Variants in ZNRF3 observed in about 807,000 individuals in gnomAD.
ZNRF3 encodes the protein E3 ubiquitin-protein ligase ZNRF3.
Under a neutral mutation model 72.5 loss-of-function variants are expected in ZNRF3, and 23 were observed. The ratio of observed to expected loss-of-function variants is 0.32; its 90% CI spans 0.23 to 0.45. The LOEUF (loss-of-function observed/expected upper bound fraction) is 0.45, where lower values mean the gene tolerates loss of function less well. Among genes scored for constraint, ZNRF3 ranks in the 20% least tolerant of loss-of-function variants. The pLI, the probability that ZNRF3 is intolerant of heterozygous loss-of-function variation, is 1.00. For missense variants in ZNRF3, 1,169 were observed against 1,272.1 expected (o/e 0.92, Z 1.23); for synonymous variants, 610 against 545.3 (o/e 1.12, Z -1.65).
At chr22:28,976,430 G>A (rs1288843011) in intron 1 of ZNRF3, among the ~76,000 whole-genome samples, 2 of 152,160 alleles carry the variant, frequency 1.3e-5, no homozygotes, top group African/African-American at 2.4e-5. Context: ...ACTGAGTCAG[G>A]AGGAAGTCCT....
chr22:29,036,565 G>T (rs2036871626), intron 2 of ZNRF3, among the ~76,000 whole-genome samples: 1 of 152,088 alleles, frequency 6.6e-6, no homozygotes, highest in Admixed American at 6.5e-5. Flanking sequence ...TGCCTGTATT[G>T]TCTGTGCCAG....
At chr22:28,934,469 G>A (rs1047151115) in intron 1 of ZNRF3, among the ~76,000 whole-genome samples, 3 of 152,128 alleles carry the variant, frequency 2.0e-5, no homozygotes, top group African/African-American at 4.8e-5. Flanking sequence ...AGAAAGAAAA[G>A]AATTACTCCT....
Position 29,053,721 on chromosome 22 carries a change from A to C in ZNRF3, c.*99A>C. On this transcript the variant is annotated 3_prime_UTR_variant, in exon 9 of 9. Coordinates refer to ENST00000544604, the MANE Select transcript of ZNRF3 (RefSeq NM_001206998.2). Reference sequence around the variant, plus strand: ...AACAAAAAATTTTTTTAGCTTTGACAAACACACAAAAGTGGTAATAAAGAG... The same window carrying C: ...AACAAAAAATTTTTTTAGCTTTGACCAACACACAAAAGTGGTAATAAAGAG... The C allele has an allele frequency of 7.8e-7, 1 of 1,276,470 alleles. No individual in the cohort carries two copies. The highest frequency in any genetic ancestry group is 1.1e-6 in the Non-Finnish European group (1 of 917,360). 79.1% of individuals were successfully genotyped at this position (1,276,470 alleles called of 1,614,324 possible). A position where few individuals can be genotyped will look rare whatever the true frequency, so the allele number is the denominator to read the frequency against.
chr22:29,039,515 C>T (rs2036920961), intron 2 of ZNRF3, among the ~76,000 whole-genome samples: 1 of 152,230 alleles, frequency 6.6e-6, no homozygotes, highest in Middle Eastern at 3.4e-3. Context: ...CCTCAGGGCC[C>T]TTCTATGTCT....
chr22:28,979,845 G>C (rs1447775778), intron 1 of ZNRF3, among the ~76,000 whole-genome samples: 1 of 152,212 alleles, frequency 6.6e-6, no homozygotes, highest in Admixed American at 6.5e-5. Context: ...TCTTAGAGGG[G>C]AGGCTGTAGG....
chr22:28,976,360 A>G (rs2035674706), intron 1 of ZNRF3, among the ~76,000 whole-genome samples: 3 of 152,134 alleles, frequency 2.0e-5, no homozygotes, highest in South Asian at 4.2e-4. Flanking sequence ...TGTCTCTACT[A>G]AAAATACAAA....
intron 1 of ZNRF3, among the ~76,000 whole-genome samples, chr22:28,920,214 C>T (rs1173395328): frequency 6.6e-6 from 1 of 151,848 alleles, no homozygotes; most frequent in Non-Finnish European, 1.5e-5. Flanking sequence ...GATCCACCCA[C>T]CTCCCCCTCC....
At chr22:28,979,212 C>A (rs2035725143) in intron 1 of ZNRF3, among the ~76,000 whole-genome samples, 1 of 152,204 alleles carries the variant, frequency 6.6e-6, no homozygotes, top group Non-Finnish European at 1.5e-5. Context: ...CTCTTTATTT[C>A]TCTAATCTGT....
chr22:28,889,155 T>C (rs1048839831), intron 1 of ZNRF3, among the ~76,000 whole-genome samples: 5 of 152,132 alleles, frequency 3.3e-5, no homozygotes, highest in African/African-American at 1.2e-4. Context: ...TTGCTTGTTC[T>C]TGTTTTTGCC....
intron 1 of ZNRF3, among the ~76,000 whole-genome samples, chr22:28,919,733 C>T (rs2034476037): frequency 1.3e-5 from 2 of 151,852 alleles, no homozygotes; most frequent in Admixed American, 6.6e-5. Context: ...TCTCGAACTC[C>T]TAACCTCAGG....
At chr22:28,891,322 C>G (rs532979591) in intron 1 of ZNRF3, among the ~76,000 whole-genome samples, 1 of 152,282 alleles carries the variant, frequency 6.6e-6, no homozygotes, top group East Asian at 1.9e-4. Flanking sequence ...CAGGGGACAC[C>G]AGATGCAGGG....
chr22:29,051,939 T>A (rs2037215364), intron 8 of ZNRF3, among the ~76,000 whole-genome samples: 1 of 151,508 alleles, frequency 6.6e-6, no homozygotes, highest in Non-Finnish European at 1.5e-5. Flanking sequence ...CCCTTGCACT[T>A]CAGCCTCCTG....
chr22:29,015,430 G>A (rs1264262637), intron 2 of ZNRF3, among the ~76,000 whole-genome samples: 1 of 152,162 alleles, frequency 6.6e-6, no homozygotes, highest in African/African-American at 2.4e-5. Flanking sequence ...AACACTTTGG[G>A]AGGCCAAGGT....
At chr22:28,914,327 C>T (rs184496594) in intron 1 of ZNRF3, among the ~76,000 whole-genome samples, 10 of 152,130 alleles carry the variant, frequency 6.6e-5, no homozygotes, top group Admixed American at 2.0e-4. Flanking sequence ...TTGGTTAATG[C>T]AGGGAAGAGT....
At chr22:29,020,460 C>T (rs931856232) in intron 2 of ZNRF3, among the ~76,000 whole-genome samples, 7 of 151,898 alleles carry the variant, frequency 4.6e-5, no homozygotes, top group African/African-American at 9.7e-5. Context: ...GGGCTTTCAC[C>T]ATGCTGCCCA....
At chr22:28,947,607 A>G (rs2035076197) in intron 1 of ZNRF3, among the ~76,000 whole-genome samples, 1 of 152,196 alleles carries the variant, frequency 6.6e-6, no homozygotes, top group South Asian at 2.1e-4. Context: ...CACTTCCCTC[A>G]TGCCTAATGA....
intron 2 of ZNRF3, among the ~76,000 whole-genome samples, chr22:28,991,118 C>CAAA (rs770405937): frequency 6.6e-6 from 1 of 151,264 alleles, no homozygotes; most frequent in Non-Finnish European, 1.5e-5. Context: ...ACCATCTCTA[C>CAAA]AAAAAACACA....
chr22:29,031,718 A>C (rs1601689747), intron 2 of ZNRF3: 1 of 808,898 alleles, frequency 1.2e-6, no homozygotes, highest in Non-Finnish European at 1.5e-6. Context: ...CTGGGGTAGG[A>C]CCCGCCAAGA....
chr22:29,040,201 G>A (rs2036936241), intron 2 of ZNRF3, among the ~76,000 whole-genome samples: 1 of 150,926 alleles, frequency 6.6e-6, no homozygotes, highest in Admixed American at 6.6e-5. Flanking sequence ...TTTTTTTGAG[G>A]CAGAGTCTCA....
Sources: allele counts gnomAD v4.1 joint callset (sites outside exome capture counted in the v4.1 genomes callset), GRCh38; gene constraint gnomAD v4.1.1; transcripts MANE v1.5; gene names NCBI Gene and HGNC (gene_info 2026-07-23, HGNC 2026-07-21).